Variants in NBEAL2 observed in about 807,000 individuals in gnomAD.
The protein encoded by NBEAL2 is neurobeachin like 2.
In NBEAL2, 160 loss-of-function variants were observed where a neutral mutation model predicts 299.8. That is an observed-to-expected ratio of 0.53 (90% CI 0.47 to 0.61). The LOEUF is 0.61. NBEAL2 is among the 20% of genes least tolerant of loss of function. The pLI is 0.00. For synonymous variants in NBEAL2, 1,493 were observed against 1,542.3 expected (o/e 0.97, Z 0.75); for missense variants, 3,112 against 3,649.0 (o/e 0.85, Z 3.79).
rs1330194993 is a variant in NBEAL2 at position 46,995,959 on chromosome 3, G to A, written c.2059G>A (p.Gly687Arg). 17 of 1,613,234 alleles carry A rather than the reference G, an allele frequency of 1.1e-5. No homozygotes were observed. In the East Asian group the frequency reaches 3.8e-4, roughly 36 times the overall value. ...WHCVAIVHVPGRRPFSQNLVH... is the reference protein window; with the variant it reads ...WHCVAIVHVPRRRPFSQNLVH... ...CTGCGTGGCTATCGTCCATGTGCCTGGGCGCCGGCCCTTCAGCCAGAACCT... is the reference window on the plus strand; with the variant it reads ...CTGCGTGGCTATCGTCCATGTGCCTAGGCGCCGGCCCTTCAGCCAGAACCT... The change falls in exon 15 of 54, where the codon GGG becomes AGG. Residue 687 changes from glycine (G) to arginine (R), a missense_variant. Transcript: ENST00000450053.
intron 49 of NBEAL2, 36 bp downstream of exon 49, chr3:47,007,946 G>A (rs772711481): frequency 6.3e-7 from 1 of 1,595,204 alleles, no homozygotes; most frequent in South Asian, 1.1e-5. Flanking sequence ...GGCCCCCGTA[G>A]CCCAGACCTG....
rs145713111 is a variant in NBEAL2, at chr3:46,982,366, G to A, written c.51+2454G>A. On this transcript the variant is annotated intron_variant, in intron 1 of 53. Coordinates refer to ENST00000450053, the MANE Select transcript of NBEAL2 (RefSeq NM_015175.3). The surrounding 1 kb of genome is among the most constrained non-coding windows in gnomAD (Gnocchi z 4.2). Reference sequence around the variant, plus strand: ...TGTTTCCCCAGTTGTGGGTCTGGGTGGGGATGGAGAGGGGGGAGTAACTCC... The same window carrying A: ...TGTTTCCCCAGTTGTGGGTCTGGGTAGGGATGGAGAGGGGGGAGTAACTCC... Among the ~76,000 whole-genome samples the A allele has an allele frequency of 4.2e-4, 64 of 152,186 alleles. No homozygotes were observed. The East Asian group carries it at 8.3e-3, about 20-fold the overall frequency.
chr3:47,003,738 T>C lies in NBEAL2; in HGVS notation c.5721-78T>C. 2.0e-6 allele frequency: 3 copies of C among 1,483,446 alleles called. 1 individual carries two copies. Among genetic ancestry groups the C allele is most frequent in the South Asian group, 2.7e-5 (2 of 74,258 alleles). 91.9% of individuals were successfully genotyped at this position (1,483,446 alleles called of 1,614,324 possible). A position where few individuals can be genotyped will look rare whatever the true frequency, so the allele number is the denominator to read the frequency against. ...TGAGAGTATATACCCCATGACTCAA[T>C]GGCACTTGGATGCCCTTTGGGCTTG... On this transcript the variant is annotated intron_variant, in intron 35 of 53. Transcript: ENST00000450053. The surrounding 1 kb of genome is among the most constrained non-coding windows in gnomAD (Gnocchi z 7.0).
At position 46,991,824 on chromosome 3, in the gene NBEAL2, C is replaced by G. The variant is rs1476919346; in HGVS notation, c.926-16C>G. ...AGAGGGGTCTGGGCAGGGCCTGACC[C>G]TTGACCCTTCCACAGACGCCATCCC... On this transcript the variant is annotated splice_polypyrimidine_tract_variant and intron_variant, in intron 8 of 53. Coordinates refer to ENST00000450053, the MANE Select transcript of NBEAL2 (RefSeq NM_015175.3). This position sits in a 1 kb window ranked among gnomAD's most constrained non-coding sequence, Gnocchi z 6.2. 2 of 1,582,552 alleles carry G rather than the reference C, an allele frequency of 1.3e-6. No individual in the cohort carries two copies. Among genetic ancestry groups the G allele is most frequent in the African/African-American group, 2.7e-5 (2 of 74,082 alleles).
Position 47,001,105 on chromosome 3 carries a change from C to G in NBEAL2, c.4410C>G (p.Gly1470=). 6.2e-7 allele frequency: 1 copy of G among 1,612,440 alleles called. No homozygotes were observed. The highest frequency in any genetic ancestry group is 8.5e-7 in the Non-Finnish European group (1 of 1,179,454). ...GSDEAAWRER[G]QVFSVLTQLG... Reference sequence around the variant, plus strand: ...ATGAGGCTGCCTGGCGGGAGCGTGGCCAGGTTTTCTCAGTGCTCACCCAGC... The same window carrying G: ...ATGAGGCTGCCTGGCGGGAGCGTGGGCAGGTTTTCTCAGTGCTCACCCAGC... The change falls in exon 28 of 54, where the codon GGC becomes GGG. Residue 1470 remains glycine, a synonymous_variant. Transcript: ENST00000450053. The surrounding 1 kb of genome is among the most constrained non-coding windows in gnomAD (Gnocchi z 6.1).
rs1559614172 is a variant in NBEAL2, at chr3:47,003,257, T to A, written c.5668T>A (p.Leu1890Met). The A allele has an allele frequency of 6.2e-7, 1 of 1,612,936 alleles. No homozygotes were observed. Among genetic ancestry groups the A allele is most frequent in the African/African-American group, 1.3e-5 (1 of 74,910 alleles). ...GGCCAAAGTGAGCACCCCACCCGAG[T>A]TGCTGCAGGAGGACCAGCTCGGCGA... ...KEAKVSTPPELLQEDQLGEDE... is the reference protein window; with the variant it reads ...KEAKVSTPPEMLQEDQLGEDE... Residue 1890 changes from leucine to methionine, a missense_variant, in exon 35 of 54, where the codon TTG becomes ATG. Physicochemically the swap from Leu to Met is conservative, Grantham distance 15. This residue lies in a region of NBEAL2 where 2,243 missense variants were observed against 2,538.1 expected (regional missense o/e 0.88). Coordinates refer to ENST00000450053, the MANE Select transcript of NBEAL2 (RefSeq NM_015175.3). This position sits in a 1 kb window ranked among gnomAD's most constrained non-coding sequence, Gnocchi z 7.0.
chr3:47,006,980 A>G (rs2037491609), intron 45 of NBEAL2, 86 bp from the exon 46 acceptor site: 2 of 1,134,142 alleles, frequency 1.8e-6, no homozygotes, highest in Non-Finnish European at 1.2e-6. Flanking sequence ...GGGGACTGAC[A>G]GTAAAGGAAG....
At chr3:47,002,866 G>A (rs2037134063) in intron 33 of NBEAL2, 64 bp downstream of exon 33, 5 of 1,563,648 alleles carry the variant, frequency 3.2e-6, no homozygotes, top group Non-Finnish European at 4.3e-6. Flanking sequence ...GGAGCCACCT[G>A]GAGCCCCAGA....
At chr3:46,994,386 T>C (rs1468657729) in intron 11 of NBEAL2, 69 bp from the exon 12 acceptor site, 1 of 1,411,236 alleles carries the variant, frequency 7.1e-7, no homozygotes, top group Non-Finnish European at 9.8e-7. Flanking sequence ...CTCCAGAGTT[T>C]CCAGGGGGTC....
rs1361186036 is a variant in NBEAL2, at chr3:46,991,587, C to T, written c.824C>T (p.Ala275Val). Residue 275 changes from alanine to valine, a missense_variant, in exon 8 of 54, where the codon GCC becomes GTC. Ala to Val is a moderately conservative substitution (Grantham distance 64). Transcript: ENST00000450053. The surrounding 1 kb of genome is among the most constrained non-coding windows in gnomAD (Gnocchi z 6.2). The stretch of plus-strand genomic sequence containing the variant: ...CCTCCTCGTGGCCCAGAGCTTCGTG[C>T]CCTGCTTGAGAGCTACTTCCATGTC... ...RAPPRGPELR[A>V]LLESYFHVLN... The T allele has an allele frequency of 1.2e-6, 2 of 1,601,790 alleles. No homozygotes were observed. The highest frequency in any genetic ancestry group is 1.1e-5 in the South Asian group (1 of 91,088).
intron 1 of NBEAL2, among the ~76,000 whole-genome samples, chr3:46,983,951 A>G (rs2035521658): frequency 6.6e-6 from 1 of 151,912 alleles, no homozygotes; most frequent in Non-Finnish European, 1.5e-5. Context: ...GCTTGAACCT[A>G]CTTCCATTCT....
Position 46,995,312 on chromosome 3 carries a change from T to A in NBEAL2, c.1577T>A (p.Val526Glu). The change falls in exon 13 of 54, where the codon GTA (valine) becomes GAA (glutamate). Residue 526 changes from valine to glutamate, a missense_variant. This residue lies in a region of NBEAL2 where 2,243 missense variants were observed against 2,538.1 expected (regional missense o/e 0.88). Coordinates refer to ENST00000450053, the MANE Select transcript of NBEAL2 (RefSeq NM_015175.3). ...LLALLQALGR[V>E]SIRPMELRHL... ...GCACTGCTACAAGCACTGGGCCGTG[T>A]ATCAATAAGGCCCATGGAGCTGCGT... 1 of 1,587,600 alleles carries A rather than the reference T, an allele frequency of 6.3e-7. No individual in the cohort carries two copies. Among genetic ancestry groups the A allele is most frequent in the Non-Finnish European group, 8.6e-7 (1 of 1,167,558 alleles).
chr3:46,989,172 G>A lies in NBEAL2; in HGVS notation c.351+6G>A. 1 of 1,613,906 alleles carries A rather than the reference G, an allele frequency of 6.2e-7. No homozygotes were observed. Among genetic ancestry groups the A allele is most frequent in the Non-Finnish European group, 8.5e-7 (1 of 1,179,848 alleles). On this transcript the variant is annotated splice_donor_region_variant and intron_variant, in intron 4 of 53. Coordinates refer to ENST00000450053, the MANE Select transcript of NBEAL2 (RefSeq NM_015175.3). The surrounding 1 kb of genome is among the most constrained non-coding windows in gnomAD (Gnocchi z 5.5). ...TGACCAAGTTGGTGGCGGAGGTGAA[G>A]TGGCCTCTACCTTGGGGGGCAGAGG...
At chr3:47,006,517 C>A in intron 45 of NBEAL2, 68 bp downstream of exon 45, 2 of 1,382,218 alleles carry the variant, frequency 1.4e-6, no homozygotes, top group Non-Finnish European at 2.0e-6. Flanking sequence ...TCCTTACCAA[C>A]CACGTGGGGC....
chr3:46,997,479 G>C (rs763461711), intron 19 of NBEAL2, 46 bp downstream of exon 19: 8 of 1,594,922 alleles, frequency 5.0e-6, no homozygotes, highest in Admixed American at 1.7e-5. Context: ...ATCTTGGCAT[G>C]GTAGGGGGGT....
At position 47,004,098 on chromosome 3, in the gene NBEAL2, G is replaced by A. The variant is rs367793499; in HGVS notation, c.5903G>A (p.Arg1968His). ...TEEGIGYDFR[R>H]PLAQLREVHL... is the part of the protein sequence containing the mutation. The stretch of plus-strand genomic sequence containing the variant: ...ATAGGCATCGGCTATGATTTCCGGC[G>A]CCCACTGGCCCAGCTGCGTGAGGTC... The change falls in exon 37 of 54, where the codon CGC becomes CAC. Residue 1968 changes from arginine (R) to histidine (H), a missense_variant. Arg to His is a conservative substitution (Grantham distance 29). Coordinates refer to ENST00000450053, the MANE Select transcript of NBEAL2 (RefSeq NM_015175.3). This position sits in a 1 kb window ranked among gnomAD's most constrained non-coding sequence, Gnocchi z 5.0. 5.6e-6 allele frequency: 9 copies of A among 1,612,382 alleles called. No homozygotes were observed. The highest frequency in any genetic ancestry group is 2.2e-5 in the South Asian group (2 of 91,076).
At position 46,998,706 on chromosome 3, in the gene NBEAL2, T is replaced by A. The variant is rs1157908999; in HGVS notation, c.3222-11T>A. 1.3e-6 allele frequency: 2 copies of A among 1,570,090 alleles called. No homozygotes were observed. The highest frequency in any genetic ancestry group is 3.7e-5 in the Admixed American group (2 of 54,742). On this transcript the variant is annotated splice_polypyrimidine_tract_variant and intron_variant, in intron 22 of 53. Transcript: ENST00000450053. Reference sequence around the variant, plus strand: ...TTGGGACCTGGCTGGGTGTGCCTACTGACCTGCCAGCCCGCAGCGGGAGCG... The same window carrying A: ...TTGGGACCTGGCTGGGTGTGCCTACAGACCTGCCAGCCCGCAGCGGGAGCG...
Position 47,009,275 on chromosome 3 carries a change from G to C in NBEAL2, c.8220G>C (p.Gln2740His), listed in dbSNP as rs13062294. 1 of 1,602,304 alleles carries C rather than the reference G, an allele frequency of 6.2e-7. No individual in the cohort carries two copies. Among genetic ancestry groups the C allele is most frequent in the Non-Finnish European group, 8.5e-7 (1 of 1,175,758 alleles). ...KLWRSSRRIS[Q>H]VSSGETEYNP... ...GGCGGTCCTCGCGGCGCATCTCCCA[G>C]GTGTCCTCGGGAGAGACGGAATACA... is the stretch of plus-strand genomic sequence containing the variant. Residue 2740 changes from glutamine (Q) to histidine (H), a missense_variant, in exon 54 of 54, where the codon CAG becomes CAC. Physicochemically the swap from Gln to His is conservative, Grantham distance 24. Coordinates refer to ENST00000450053, the MANE Select transcript of NBEAL2 (RefSeq NM_015175.3).
In NBEAL2 at chr3:46,991,974, G is replaced by A. The variant is rs1410898179; in HGVS notation, c.1032+28G>A. On this transcript the variant is annotated intron_variant, in intron 9 of 53. Transcript: ENST00000450053. The surrounding 1 kb of genome is among the most constrained non-coding windows in gnomAD (Gnocchi z 6.2). ...GGGTAGGGCCCAGCCTGGGGGTGAGGGTCTGGAAGCCAGAGGCTAGGGGAG... is the reference window on the plus strand; with the variant it reads ...GGGTAGGGCCCAGCCTGGGGGTGAGAGTCTGGAAGCCAGAGGCTAGGGGAG... The A allele has an allele frequency of 1.3e-6, 2 of 1,561,188 alleles. No individual in the cohort carries two copies. Among genetic ancestry groups the A allele is most frequent in the Non-Finnish European group, 1.7e-6 (2 of 1,149,536 alleles).
Sources: gnomAD v4.1 joint callset for allele counts (sites outside exome capture counted in the v4.1 genomes callset) on GRCh38, gnomAD v4.1.1 for gene constraint, gnomAD v4.1.1 regional missense constraint, Gnocchi (gnomAD v3.1) non-coding constraint, MANE v1.5 for transcripts, NCBI Gene and HGNC (gene_info 2026-07-23, HGNC 2026-07-21) for gene names.